The following ANKRD44 variants were observed in gnomAD, a reference collection of about 807,000 sequenced individuals.
ANKRD44 encodes ankyrin repeat domain 44.
In ANKRD44, 35 loss-of-function variants were observed where a neutral mutation model predicts 116.0. The ratio of observed to expected loss-of-function variants is 0.30; its 90% CI spans 0.23 to 0.40. The LOEUF (loss-of-function observed/expected upper bound fraction) is 0.40. ANKRD44 is among the 10% of genes least tolerant of loss of function. The pLI is 1.00. For synonymous variants in ANKRD44, 435 were observed against 461.8 expected, an observed-to-expected ratio of 0.94 and a Z score of 0.74; for missense variants, 1,014 against 1,242.6, an observed-to-expected ratio of 0.82 and a Z score of 2.77.
Position 197,310,455 on chromosome 2 carries a change from G to C in ANKRD44, c.27+123C>G, listed in dbSNP as rs112572902. ...TCGGAGGCACCGGCGGCCGCACACA[G>C]TCCTCCCCTTCGCCGCGAGTAAACA... On this transcript the variant is annotated intron_variant, in intron 1 of 27. Transcript: ENST00000282272. The C allele has an allele frequency of 0.39, 249,863 of 635,584 alleles. 51,935 individuals carry two copies. Among genetic ancestry groups the C allele is most frequent in the African/African-American group, 0.66 (32,523 of 49,428 alleles). 39.4% of individuals were successfully genotyped at this position (635,584 alleles called of 1,614,324 possible).
chr2:197,160,347 A>C (rs2079929453), intron 2 of ANKRD44, among the ~76,000 whole-genome samples: 1 of 152,160 alleles, frequency 6.6e-6, no homozygotes, highest in South Asian at 2.1e-4. Flanking sequence ...CTCCTTGATG[A>C]CTATAGAGGA....
intron 16 of ANKRD44, among the ~76,000 whole-genome samples, chr2:197,039,573 T>C (rs1470175847): frequency 1.3e-5 from 2 of 152,070 alleles, no homozygotes; most frequent in East Asian, 3.9e-4. Context: ...ATATTAGCAG[T>C]AAGTTGGATA....
At chr2:196,982,265 T>G (rs2075807473), downstream of ANKRD44, among the ~76,000 whole-genome samples, 2 of 151,672 alleles carry the variant, frequency 1.3e-5, no homozygotes, top group South Asian at 4.2e-4. Flanking sequence ...GCTGGAGTTT[T>G]ATTGGGAAAG....
chr2:197,177,232 A>G (rs2080386878), intron 2 of ANKRD44, among the ~76,000 whole-genome samples: 1 of 152,198 alleles, frequency 6.6e-6, no homozygotes, highest in Non-Finnish European at 1.5e-5. Context: ...GGAAAGTAAA[A>G]GGTATCTGAA....
chr2:197,256,076 T>C (rs570027326), intron 1 of ANKRD44, among the ~76,000 whole-genome samples: 3 of 152,328 alleles, frequency 2.0e-5, no homozygotes, highest in African/African-American at 4.8e-5. Flanking sequence ...TGTGAGAAAA[T>C]GTGTGATTGA....
In ANKRD44 at chr2:196,999,020, T is replaced by A. The variant is rs748281305; in HGVS notation, c.2552A>T (p.His851Leu). ...CAGAAGAAGCTGCAAGCACTCCACA[T>A]GATCAGCAAATGCTGCCGCATGAAG... The part of the protein sequence containing the change: ...TPLHAAAFAD[H>L]VECLQLLLRH... Residue 851 changes from histidine to leucine, a missense_variant, in exon 24 of 28, where the codon CAT (histidine) becomes CTT (leucine). By Grantham distance (99) the His-to-Leu change is moderately conservative. Coordinates refer to ENST00000282272, the MANE Select transcript of ANKRD44 (RefSeq NM_001195144.2). 1 of 1,614,208 alleles carries A rather than the reference T, an allele frequency of 6.2e-7. No homozygotes were observed. The highest frequency in any genetic ancestry group is 1.7e-5 in the Admixed American group (1 of 60,018).
chr2:197,077,758 G>A (rs1451969575), intron 16 of ANKRD44: 2 of 152,028 alleles, frequency 1.3e-5, no homozygotes, highest in Admixed American at 6.6e-5. Flanking sequence ...TTGATAATCC[G>A]GTCTGTTCGA....
At chr2:197,181,915 G>A (rs1379128947) in intron 2 of ANKRD44, among the ~76,000 whole-genome samples, 2 of 152,152 alleles carry the variant, frequency 1.3e-5, no homozygotes, top group Non-Finnish European at 2.9e-5. Flanking sequence ...CTCTCCAAGT[G>A]TGAAACATCA....
chr2:197,194,847 C>T (rs1263771997), intron 1 of ANKRD44, among the ~76,000 whole-genome samples: 1 of 152,114 alleles, frequency 6.6e-6, no homozygotes, highest in African/African-American at 2.4e-5. Flanking sequence ...GTTGAGGGGG[C>T]TCCGCATGGG....
chr2:197,009,612 G>A lies in ANKRD44; in HGVS notation c.1925-581C>T, dbSNP rs544011614. The stretch of plus-strand genomic sequence containing the variant: ...TTGAACTTCTGGGCTCAAGCAATCT[G>A]ACTGCCTTGGCCTCCCAAAGTGCTG... On this transcript the variant is annotated intron_variant, in intron 18 of 27. Coordinates refer to ENST00000282272, the MANE Select transcript of ANKRD44 (RefSeq NM_001195144.2). Among the ~76,000 whole-genome samples the A allele has an allele frequency of 9.4e-4, 143 of 152,108 alleles. 1 individual carries two copies. Among genetic ancestry groups the A allele is most frequent in the African/African-American group, 3.3e-3 (137 of 41,498 alleles).
chr2:197,090,056 A>G (rs4300850), intron 10 of ANKRD44, 24 bp from the exon 11 acceptor site: 1,517,124 of 1,591,642 alleles, frequency 0.95, 724,272 homozygotes, highest in East Asian at 1. Flanking sequence ...AAACAGAGCA[A>G]CTCACGGCAA....
intron 1 of ANKRD44, among the ~76,000 whole-genome samples, chr2:197,288,224 T>C (rs1054415792): frequency 2.6e-5 from 4 of 152,136 alleles, no homozygotes; most frequent in African/African-American, 9.7e-5. Context: ...TACATCCAGC[T>C]ATTCAACCAG....
chr2:197,004,444 C>T (rs764054089), intron 21 of ANKRD44, among the ~76,000 whole-genome samples: 3 of 151,674 alleles, frequency 2.0e-5, no homozygotes, highest in Non-Finnish European at 4.4e-5. Flanking sequence ...CACAAGCATA[C>T]GAGAAAAGAT....
chr2:197,294,274 A>C (rs2083653136), intron 1 of ANKRD44, among the ~76,000 whole-genome samples: 1 of 152,194 alleles, frequency 6.6e-6, no homozygotes, highest in Non-Finnish European at 1.5e-5. Flanking sequence ...TTCTCTCTGA[A>C]GGATAGAGAA....
intron 1 of ANKRD44, among the ~76,000 whole-genome samples, chr2:197,249,006 C>T (rs1291404229): frequency 1.3e-5 from 2 of 152,154 alleles, no homozygotes; most frequent in Non-Finnish European, 2.9e-5. Flanking sequence ...AGTGAGGTGG[C>T]TCATACCTGT....
downstream of ANKRD44, among the ~76,000 whole-genome samples, chr2:196,983,108 A>G (rs191784178): frequency 2.6e-4 from 40 of 152,236 alleles, no homozygotes; most frequent in African/African-American, 8.9e-4. Context: ...ACGGGTTGAT[A>G]GGTGCAGCAT....
rs528053278 is a variant in ANKRD44 at position 197,235,504 on chromosome 2, T to C, written c.28-48398A>G. The stretch of plus-strand genomic sequence containing the variant: ...GGTGGCGGGCGCCTGTAATCCCAGC[T>C]ACTTGGGAGGCTGAGGCAGGAGGAT... On this transcript the variant is annotated intron_variant, in intron 1 of 27. Coordinates refer to ENST00000282272, the MANE Select transcript of ANKRD44 (RefSeq NM_001195144.2). Among the ~76,000 whole-genome samples the C allele has an allele frequency of 1.3e-3, 202 of 151,398 alleles. 1 individual carries two copies. The highest frequency in any genetic ancestry group is 4.6e-3 in the African/African-American group (188 of 41,152).
At chr2:197,103,652 T>C (rs552903932) in intron 9 of ANKRD44, among the ~76,000 whole-genome samples, 2 of 152,284 alleles carry the variant, frequency 1.3e-5, no homozygotes, top group South Asian at 2.1e-4. Context: ...TCTAGAAAGG[T>C]GTGATACATT....
intron 1 of ANKRD44, among the ~76,000 whole-genome samples, chr2:197,300,296 C>T (rs1225793948): frequency 2.0e-5 from 3 of 152,144 alleles, no homozygotes; most frequent in Non-Finnish European, 4.4e-5. Flanking sequence ...CCCTATGACT[C>T]AGTAAATTTA....
Sources: allele counts gnomAD v4.1 joint callset (sites outside exome capture counted in the v4.1 genomes callset), GRCh38; gene constraint gnomAD v4.1.1; transcripts MANE v1.5; gene names NCBI Gene and HGNC (gene_info 2026-07-23, HGNC 2026-07-21).